The following CNPY1 variants were observed in gnomAD, a reference collection of about 807,000 sequenced individuals.
CNPY1 encodes canopy FGF signaling regulator 1.
In CNPY1, 14 loss-of-function variants were observed where a neutral mutation model predicts 14.4. The ratio of observed to expected loss-of-function variants is 0.97; its 90% confidence interval spans 0.64 to 1.52. CNPY1 has a LOEUF of 1.52. Among genes scored for constraint, CNPY1 ranks in the 40% most tolerant of loss-of-function variants. CNPY1 has a pLI of 0.00. For synonymous variants in CNPY1, 43 were observed against 46.5 expected, an observed-to-expected ratio of 0.92 and a Z score of 0.31; for missense variants, 129 against 131.5, an observed-to-expected ratio of 0.98 and a Z score of 0.09.
chr7:155,517,976 T>G (rs1333728233), intron 2 of CNPY1, among the ~76,000 whole-genome samples: 2 of 152,212 alleles, frequency 1.3e-5, no homozygotes, highest in Admixed American at 1.3e-4. Context: ...GTGATTTCTG[T>G]CCTCTCCCTT....
chr7:155,519,781 CTCTT>C (rs1331744209), intron 2 of CNPY1, among the ~76,000 whole-genome samples: 1 of 152,186 alleles, frequency 6.6e-6, no homozygotes, highest in African/African-American at 2.4e-5. Flanking sequence ...ATCAAAGTGT[CTCTT>C]TCCAGCCTTC....
intron 2 of CNPY1, among the ~76,000 whole-genome samples, chr7:155,543,665 G>A (rs534539632): frequency 1.3e-5 from 2 of 152,254 alleles, no homozygotes; most frequent in African/African-American, 4.8e-5. Flanking sequence ...CACACCCACC[G>A]CCAGGCCATG....
intron 2 of CNPY1, among the ~76,000 whole-genome samples, chr7:155,541,802 C>T (rs890372726): frequency 2.0e-5 from 3 of 152,204 alleles, no homozygotes; most frequent in African/African-American, 7.2e-5. Context: ...CTTCCAGCCT[C>T]GCACCAGCCT....
chr7:155,541,581 C>A (rs1316816358), intron 2 of CNPY1, among the ~76,000 whole-genome samples: 2 of 152,222 alleles, frequency 1.3e-5, no homozygotes, highest in Admixed American at 1.3e-4. Context: ...GCAGGTCAGC[C>A]TCAGATGATG....
At chr7:155,529,440 T>G (rs745533698) in intron 2 of CNPY1, among the ~76,000 whole-genome samples, 3 of 152,206 alleles carry the variant, frequency 2.0e-5, no homozygotes, top group Non-Finnish European at 2.9e-5. Context: ...CTCACAGCTC[T>G]GGAGACCAGG....
chr7:155,521,699 G>A (rs886672607), intron 2 of CNPY1, among the ~76,000 whole-genome samples: 2 of 152,230 alleles, frequency 1.3e-5, no homozygotes, highest in African/African-American at 4.8e-5. Context: ...AAAATGATGT[G>A]AAATTCAAAT....
chr7:155,533,417 C>T (rs866750439), intron 2 of CNPY1, among the ~76,000 whole-genome samples: 2 of 152,352 alleles, frequency 1.3e-5, no homozygotes, highest in African/African-American at 4.8e-5. Flanking sequence ...CGTTTGTTTA[C>T]TCTAAGCATA....
chr7:155,544,994 C>T (rs1201045911), intron 2 of CNPY1, among the ~76,000 whole-genome samples: 1 of 152,222 alleles, frequency 6.6e-6, no homozygotes, highest in Non-Finnish European at 1.5e-5. Flanking sequence ...CTGTCTGTGA[C>T]TCTCCTTTCC....
At chr7:155,534,283 ACACACACACACTCACACGTGCATG>A (rs1796993751) in intron 2 of CNPY1, among the ~76,000 whole-genome samples, 1 of 151,880 alleles carries the variant, frequency 6.6e-6, no homozygotes, top group South Asian at 2.1e-4. Context: ...CTTTGAGCTC[ACACACACACACTCACACGTGCATG>A]CACACACACA....
At chr7:155,525,105 T>C (rs1796795795) in intron 2 of CNPY1, among the ~76,000 whole-genome samples, 1 of 152,210 alleles carries the variant, frequency 6.6e-6, no homozygotes, top group Non-Finnish European at 1.5e-5. Context: ...ATGATGGTTA[T>C]TTTTGTCGTT....
intron 4 of CNPY1, among the ~76,000 whole-genome samples, chr7:155,505,075 TATTAAC>T (rs1307144987): frequency 1.3e-5 from 2 of 152,240 alleles, no homozygotes; most frequent in Non-Finnish European, 2.9e-5. Flanking sequence ...GTTATCGTGC[TATTAAC>T]TCACTTCAAC....
intron 2 of CNPY1, among the ~76,000 whole-genome samples, chr7:155,544,752 G>A (rs888074788): frequency 3.9e-5 from 6 of 152,314 alleles, no homozygotes; most frequent in Non-Finnish European, 8.8e-5. Context: ...GGGCCTGCAC[G>A]GGGTCCCTCC....
At chr7:155,516,099 G>A (rs1467346268) in intron 2 of CNPY1, among the ~76,000 whole-genome samples, 5 of 152,020 alleles carry the variant, frequency 3.3e-5, no homozygotes, top group Admixed American at 3.3e-4. Context: ...TAGACCTCAG[G>A]GCTAAGAGGA....
chr7:155,515,488 C>T (rs544261767), intron 2 of CNPY1, among the ~76,000 whole-genome samples: 3 of 152,288 alleles, frequency 2.0e-5, no homozygotes, highest in Non-Finnish European at 4.4e-5. Context: ...GATTCACCTC[C>T]CCCACCCTAG....
chr7:155,513,777 G>T (rs1418758009), intron 2 of CNPY1, among the ~76,000 whole-genome samples: 1 of 151,612 alleles, frequency 6.6e-6, no homozygotes, highest in Non-Finnish European at 1.5e-5. Flanking sequence ...CCAAATGGGG[G>T]TCATCTAACA....
At chr7:155,529,491 C>T (rs1236198363) in intron 2 of CNPY1, among the ~76,000 whole-genome samples, 1 of 152,216 alleles carries the variant, frequency 6.6e-6, no homozygotes, top group Non-Finnish European at 1.5e-5. Context: ...GATCTCTCTG[C>T]AGGCTCAGGC....
At chr7:155,532,427 C>T (rs1796953519) in intron 2 of CNPY1, among the ~76,000 whole-genome samples, 1 of 151,264 alleles carries the variant, frequency 6.6e-6, no homozygotes, top group African/African-American at 2.4e-5. Context: ...TCAAGACCAT[C>T]TCGGCTAACA....
At chr7:155,510,265 G>C (rs1796496317) in intron 2 of CNPY1, 1 of 152,200 alleles carries the variant, frequency 6.6e-6, no homozygotes, top group Non-Finnish European at 1.5e-5. Context: ...TCTCATCAGC[G>C]GCGCGGCGGC....
chr7:155,526,585 T>A (rs890677857), intron 2 of CNPY1, among the ~76,000 whole-genome samples: 3 of 151,918 alleles, frequency 2.0e-5, no homozygotes, highest in Non-Finnish European at 4.4e-5. Flanking sequence ...AATACACACC[T>A]CGAAATAAGA....
Sources: gnomAD v4.1 joint callset for allele counts (sites outside exome capture counted in the v4.1 genomes callset) on GRCh38, gnomAD v4.1.1 for gene constraint, MANE v1.5 for transcripts, NCBI Gene and HGNC (gene_info 2026-07-23, HGNC 2026-07-21) for gene names.